Variants in SULT1E1 observed in about 807,000 individuals in gnomAD.
SULT1E1 encodes sulfotransferase 1E1.
A neutral mutation model predicts 33.6 loss-of-function variants in SULT1E1; 36 were observed. That is an observed-to-expected ratio of 1.07 (90% CI 0.82 to 1.41). SULT1E1 has a LOEUF of 1.41. Ranked by LOEUF, SULT1E1 falls within the 40% of genes most tolerant of loss-of-function variation. SULT1E1 has a pLI of 0.00. For synonymous variants in SULT1E1, 121 were observed against 111.7 expected (o/e 1.08, Z -0.53); for missense variants, 371 against 345.7 (o/e 1.07, Z -0.58).
chr4:69,839,082 G>A (rs191819725), downstream of SULT1E1, among the ~76,000 whole-genome samples: 253 of 152,258 alleles, frequency 1.7e-3, no homozygotes, highest in Non-Finnish European at 2.9e-3. Flanking sequence ...TAACCATATG[G>A]ATGAACTTTA....
intron 7 of SULT1E1, among the ~76,000 whole-genome samples, chr4:69,842,981 C>A (rs571318548): frequency 2.0e-5 from 3 of 151,936 alleles, no homozygotes; most frequent in African/African-American, 7.3e-5. Context: ...GGACTACAGG[C>A]GCCCGCCACC....
downstream of SULT1E1, among the ~76,000 whole-genome samples, chr4:69,837,086 C>CAAA (rs3077549): frequency 6.9e-6 from 1 of 145,244 alleles, no homozygotes; most frequent in African/African-American, 2.6e-5. Context: ...CTCCCTGTCT[C>CAAA]AAAAAAAAAA....
At chr4:69,857,731 C>T (rs1721274681) in intron 1 of SULT1E1, 78 bp from the exon 2 acceptor site, 1 of 1,337,402 alleles carries the variant, frequency 7.5e-7, no homozygotes, top group South Asian at 1.6e-5. Context: ...TATAACGGGA[C>T]CCTCCTACAT....
At position 69,847,755 on chromosome 4, in the gene SULT1E1, C is replaced by T. The variant is rs1341977417; in HGVS notation, c.534G>A (p.Trp178Ter). 1 of 1,609,212 alleles carries T rather than the reference C, an allele frequency of 6.2e-7. No individual in the cohort carries two copies. The highest frequency in any genetic ancestry group is 2.2e-5 in the East Asian group (1 of 44,638). The change falls in exon 6 of 8, where the codon TGG becomes TGA. Residue 178 changes from tryptophan (W) to a stop codon, truncating the protein, a stop_gained. Transcript: ENST00000226444. LOFTEE classifies it high-confidence loss of function. ...YGSWYKHVKSWWEKGKSPRVL... is the reference protein window; with the variant it reads ...YGSWYKHVKS ...CACGTGGACTCTTTCCCTTTTCCCA[C>T]CAAGATTTTACATGTTTATACCAGG...
the SULT1E1 span, among the ~76,000 whole-genome samples, chr4:69,822,879 G>GA: frequency 2.5e-4 from 38 of 151,750 alleles, no homozygotes; most frequent in Admixed American, 5.2e-4. Flanking sequence ...AGAAAAAAGT[G>GA]AAAAAAAATG....
intron 5 of SULT1E1, 52 bp downstream of exon 5, chr4:69,849,385 T>C (rs768547849): frequency 4.4e-6 from 7 of 1,587,792 alleles, no homozygotes; most frequent in Non-Finnish European, 5.1e-6. Flanking sequence ...GGAGATGGCA[T>C]TTGTCTTATA....
chr4:69,844,169 A>G lies in SULT1E1; in HGVS notation c.764T>C (p.Met255Thr), dbSNP rs768994692. ...EIMNQKLSPF[M>T]RKGITGDWKN... ...AACCACATTTTTCTCACCCTTTCTC[A>G]TGAAGGGCGACAATTTCTGGTTCAT... Residue 255 changes from methionine (M) to threonine (T), a missense_variant, in exon 7 of 8, where the codon ATG becomes ACG. Coordinates refer to ENST00000226444, the MANE Select transcript of SULT1E1 (RefSeq NM_005420.3). 2.5e-6 allele frequency: 4 copies of G among 1,613,812 alleles called. No individual in the cohort carries two copies. The highest frequency in any genetic ancestry group is 3.4e-6 in the Non-Finnish European group (4 of 1,179,788).
At chr4:69,832,930 A>T in the SULT1E1 span, among the ~76,000 whole-genome samples, 1 of 152,312 alleles carries the variant, frequency 6.6e-6, no homozygotes, top group African/African-American at 2.4e-5. Context: ...CTCTATATTG[A>T]GGGAGTGCTG....
chr4:69,829,157 G>A, the SULT1E1 span, among the ~76,000 whole-genome samples: 1 of 152,158 alleles, frequency 6.6e-6, no homozygotes, highest in Admixed American at 6.5e-5. Context: ...AAGTATACAG[G>A]TTTGGCACCA....
rs765286163 is a variant in SULT1E1 at position 69,844,351 on chromosome 4, G to A, written c.592-10C>T. 27 of 1,583,424 alleles carry A rather than the reference G, an allele frequency of 1.7e-5. No homozygotes were observed. The African/African-American group carries it at 3.5e-4, about 21-fold the overall frequency. On this transcript the variant is annotated splice_polypyrimidine_tract_variant and intron_variant, in intron 6 of 7. Transcript: ENST00000226444. Reference sequence around the variant, plus strand: ...CCTCTTTTCTGATATCCTAGGGAGAGAAAATGTTTTGAGAACTAAATTGCT... The same window carrying A: ...CCTCTTTTCTGATATCCTAGGGAGAAAAAATGTTTTGAGAACTAAATTGCT...
chr4:69,832,619 G>A, the SULT1E1 span, among the ~76,000 whole-genome samples: 1 of 152,162 alleles, frequency 6.6e-6, no homozygotes, highest in African/African-American at 2.4e-5. Flanking sequence ...ATGCAGCCCA[G>A]ATGGTCATTA....
intron 5 of SULT1E1, among the ~76,000 whole-genome samples, chr4:69,848,513 G>A (rs1375697459): frequency 6.6e-6 from 1 of 151,770 alleles, no homozygotes; most frequent in African/African-American, 2.4e-5. Flanking sequence ...GACTCCATTA[G>A]GGAATTTTTC....
At chr4:69,849,704 T>C (rs1560555987) in intron 4 of SULT1E1, 141 bp from the exon 5 acceptor site, 4 of 728,640 alleles carry the variant, frequency 5.5e-6, no homozygotes, top group Admixed American at 7.3e-5. Flanking sequence ...CATGTACAAT[T>C]ATTTATAAAG....
At chr4:69,844,999 C>T (rs1346157215) in intron 6 of SULT1E1, among the ~76,000 whole-genome samples, 1 of 152,010 alleles carries the variant, frequency 6.6e-6, no homozygotes. Context: ...TGTAGTTTGC[C>T]TTTTCGATTT....
chr4:69,844,255 A>G lies in SULT1E1; in HGVS notation c.678T>C (p.Thr226=). 6.2e-7 allele frequency: 1 copy of G among 1,613,912 alleles called. No homozygotes were observed. Residue 226 remains threonine, a synonymous_variant, in exon 7 of 8, where the codon ACT becomes ACC. Transcript: ENST00000226444. ...GATTGTTCTTCATCTCTTGGAACGA[A>G]GTATGATGTATAATCCTGTCCACAA... ...EELVDRIIHH[T]SFQEMKNNPS...
At chr4:69,823,075 G>A in the SULT1E1 span, among the ~76,000 whole-genome samples, 1 of 152,120 alleles carries the variant, frequency 6.6e-6, no homozygotes, top group South Asian at 2.1e-4. Flanking sequence ...GAGACCTCAG[G>A]GTAAAGCAGG....
the SULT1E1 span, among the ~76,000 whole-genome samples, chr4:69,835,762 T>C: frequency 1.3e-5 from 2 of 152,300 alleles, no homozygotes; most frequent in African/African-American, 4.8e-5. Flanking sequence ...CAAATGAACT[T>C]TGTTATTGAG....
the SULT1E1 span, among the ~76,000 whole-genome samples, chr4:69,824,705 CACACTAATCAGCACTCTGTAAAAT>C: frequency 4.0e-3 from 607 of 152,154 alleles, 2 homozygotes; most frequent in African/African-American, 0.014. Context: ...CTCTGTAAAG[CACACTAATCAGCACTCTGTAAAAT>C]GGACTAATCA....
chr4:69,855,478 A>T, intron 2 of SULT1E1, 52 bp from the exon 3 acceptor site: 1 of 1,539,940 alleles, frequency 6.5e-7, no homozygotes, highest in Non-Finnish European at 8.7e-7. Flanking sequence ...AGAGTTGATG[A>T]CATTAGTGCT....
Sources: gnomAD v4.1 joint callset for allele counts (sites outside exome capture counted in the v4.1 genomes callset) on GRCh38, gnomAD v4.1.1 for gene constraint, MANE v1.5 for transcripts, NCBI Gene and HGNC (gene_info 2026-07-23, HGNC 2026-07-21) for gene names.